Variants in SUCLG2 observed in about 807,000 individuals in gnomAD.
SUCLG2 encodes succinate--CoA ligase [GDP-forming] subunit beta, mitochondrial.
Under a neutral mutation model 47.9 loss-of-function variants are expected in SUCLG2, and 42 were observed. The observed-to-expected ratio is 0.88, with a 90% CI of 0.69 to 1.14. The LOEUF (loss-of-function observed/expected upper bound fraction) is 1.14, where lower values mean the gene tolerates loss of function less well. Among genes scored for constraint, SUCLG2 ranks in the 50% most tolerant of loss-of-function variants. The pLI is 0.00. For missense variants in SUCLG2, 571 were observed against 525.9 expected (o/e 1.09, Z -0.84); for synonymous variants, 195 against 197.3 (o/e 0.99, Z 0.10).
At chr3:67,483,680 A>G (rs1704976646) in intron 9 of SUCLG2, among the ~76,000 whole-genome samples, 1 of 152,152 alleles carries the variant, frequency 6.6e-6, no homozygotes, top group Non-Finnish European at 1.5e-5. Context: ...GACACTTAAT[A>G]TATTCTTGTT....
chr3:67,495,718 C>G, intron 9 of SUCLG2, 80 bp downstream of exon 9: 3 of 1,517,850 alleles, frequency 2.0e-6, no homozygotes, highest in Admixed American at 1.7e-5. Context: ...CTTATCAACT[C>G]TCACCAGGAA....
chr3:67,633,181 A>C (rs1372243079), intron 1 of SUCLG2, among the ~76,000 whole-genome samples: 2 of 152,160 alleles, frequency 1.3e-5, no homozygotes, highest in Non-Finnish European at 2.9e-5. Flanking sequence ...CGAAAAGTAA[A>C]ATGTTTTTAA....
intron 10 of SUCLG2, among the ~76,000 whole-genome samples, chr3:67,365,951 G>T (rs1218313241): frequency 2.6e-5 from 4 of 151,610 alleles, no homozygotes; most frequent in Non-Finnish European, 4.4e-5. Context: ...AAATTGAATA[G>T]ATTTATAAAT....
At chr3:67,552,049 C>A (rs1707027559) in intron 2 of SUCLG2, among the ~76,000 whole-genome samples, 1 of 151,880 alleles carries the variant, frequency 6.6e-6, no homozygotes, top group African/African-American at 2.4e-5. Flanking sequence ...CAGCAAGAAG[C>A]CACGCCACCC....
chr3:67,614,108 G>A (rs933005678), intron 1 of SUCLG2, among the ~76,000 whole-genome samples: 1 of 152,132 alleles, frequency 6.6e-6, no homozygotes, highest in East Asian at 1.9e-4. Flanking sequence ...TTTGCTGCAG[G>A]AGACATGAAG....
chr3:67,489,172 G>C (rs766617700), intron 9 of SUCLG2, among the ~76,000 whole-genome samples: 2 of 152,140 alleles, frequency 1.3e-5, no homozygotes, highest in Non-Finnish European at 2.9e-5. Context: ...TTATTACTGA[G>C]AAGTATTGGC....
At position 67,588,314 on chromosome 3, in the gene SUCLG2, T is replaced by C. The variant is rs28449793; in HGVS notation, c.226+21141A>G. 6.7e-3 allele frequency among the ~76,000 whole-genome samples: 1,017 copies of C among 152,340 alleles called. 12 individuals are homozygous for C. The highest frequency in any genetic ancestry group is 0.022 in the African/African-American group (925 of 41,580). On this transcript the variant is annotated intron_variant, in intron 2 of 10. Transcript: ENST00000307227. ...AAAATTTTAAGTTGCTAAATGCTCC[T>C]AAATTGAGGTACTCTAATATGCTAT...
At position 67,427,541 on chromosome 3, in the gene SUCLG2, C is replaced by T. The variant is rs1703333229; in HGVS notation, c.1063-26690G>A. The stretch of plus-strand genomic sequence containing the variant: ...TTCCAAGATGGCCGAATAGGAACAG[C>T]TCCAGTCTACAGCTCAAGAGAAGGG... On this transcript the variant is annotated intron_variant, in intron 9 of 10. Coordinates refer to ENST00000307227, the MANE Select transcript of SUCLG2 (RefSeq NM_003848.4). Among the ~76,000 whole-genome samples, 3 of 152,174 alleles carry T rather than the reference C, an allele frequency of 2.0e-5. No homozygotes were observed. In the South Asian group the frequency reaches 6.2e-4, roughly 32 times the overall value.
intron 4 of SUCLG2, among the ~76,000 whole-genome samples, chr3:67,527,015 C>T (rs920136957): frequency 5.3e-5 from 8 of 152,286 alleles, no homozygotes; most frequent in Non-Finnish European, 5.9e-5. Context: ...AGGACTGTAA[C>T]GGGATTATTA....
intron 2 of SUCLG2, among the ~76,000 whole-genome samples, chr3:67,585,888 A>T (rs187884408): frequency 6.9e-6 from 1 of 144,486 alleles, no homozygotes; most frequent in Middle Eastern, 3.7e-3. Context: ...AATCGCTCGA[A>T]CCCAGGAGGT....
At chr3:67,374,669 A>AATTTTTGAGGAATAAAAAT (rs1701999305), downstream of SUCLG2, 2 of 776,720 alleles carry the variant, frequency 2.6e-6, no homozygotes, top group African/African-American at 3.8e-5. Context: ...TGTAAAAAAA[A>AATTTTTGAGGAATAAAAAT]AAAATGTTTG....
At position 67,529,546 on chromosome 3, in the gene SUCLG2, C is replaced by A. The variant is rs79552874; in HGVS notation, c.227-360G>T. 3.5e-3 allele frequency among the ~76,000 whole-genome samples: 540 copies of A among 152,270 alleles called. 7 individuals carry two copies. Among genetic ancestry groups the A allele is most frequent in the African/African-American group, 0.012 (498 of 41,552 alleles). ...TAATGGCACTCCCATGTGGCAGAGG[C>A]ACCAGTTGGCCAGTAAGAGGAGCTA... On this transcript the variant is annotated intron_variant, in intron 2 of 10. Transcript: ENST00000307227.
At position 67,546,627 on chromosome 3, in the gene SUCLG2, C is replaced by T. The variant is rs542952917; in HGVS notation, c.227-17441G>A. 3.9e-5 allele frequency among the ~76,000 whole-genome samples: 6 copies of T among 152,294 alleles called. No individual in the cohort carries two copies. In the East Asian group the frequency reaches 7.7e-4, roughly 20 times the overall value. On this transcript the variant is annotated intron_variant, in intron 2 of 10. Transcript: ENST00000307227. ...GCACACGCCTATAATCCCAGCTACT[C>T]GGGAGACTGAGGCAGAAGAATAGCT...
At chr3:67,498,355 C>A (rs940907340) in intron 7 of SUCLG2, 60 bp from the exon 8 acceptor site, 5 of 1,569,780 alleles carry the variant, frequency 3.2e-6, no homozygotes, top group Non-Finnish European at 3.5e-6. Context: ...AAATTAAGTT[C>A]TTCAGGCTGG....
At chr3:67,539,377 G>T (rs900236281) in intron 2 of SUCLG2, among the ~76,000 whole-genome samples, 3 of 152,200 alleles carry the variant, frequency 2.0e-5, no homozygotes, top group African/African-American at 7.2e-5. Flanking sequence ...ATTTGTGTAT[G>T]TTGAACCAGC....
In SUCLG2 at chr3:67,592,730, AAAAAAACAAC is replaced by A. The variant is rs1456674111; in HGVS notation, c.226+16715_226+16724del. On this transcript the variant is annotated intron_variant, in intron 2 of 10. Coordinates refer to ENST00000307227, the MANE Select transcript of SUCLG2 (RefSeq NM_003848.4). ...CTCTCACATCCTCCAAAAAAAAAAA[AAAAAAACAAC>A]AAAAAAAAACTGAATATCAAAGCCA... Among the ~76,000 whole-genome samples, 8 of 124,626 alleles carry A rather than the reference AAAAAAACAAC, an allele frequency of 6.4e-5. 1 individual carries two copies. The highest frequency in any genetic ancestry group is 9.4e-5 in the African/African-American group (3 of 32,028). 81.8% of individuals were successfully genotyped at this position (124,626 alleles called of 152,430 possible).
chr3:67,625,315 C>A (rs1219224761), intron 1 of SUCLG2, among the ~76,000 whole-genome samples: 6 of 152,102 alleles, frequency 3.9e-5, no homozygotes, highest in African/African-American at 1.4e-4. Flanking sequence ...ATGCTAACTG[C>A]AAATATCAAC....
At chr3:67,429,402 G>T (rs1222778763) in intron 9 of SUCLG2, among the ~76,000 whole-genome samples, 2 of 152,042 alleles carry the variant, frequency 1.3e-5, no homozygotes, top group Admixed American at 1.3e-4. Context: ...AGCAAATGCT[G>T]AGATTTTGTC....
rs868407839 is a variant in SUCLG2, at chr3:67,604,303, C to T, written c.226+5152G>A. 4.6e-5 allele frequency among the ~76,000 whole-genome samples: 7 copies of T among 152,160 alleles called. No individual in the cohort carries two copies. The South Asian group carries it at 1.5e-3, about 32-fold the overall frequency. ...CAGATTGCAGTTTCTATATATTGCA[C>T]CTTAAAACCTGCCACATCTAGTTTT... On this transcript the variant is annotated intron_variant, in intron 2 of 10. Transcript: ENST00000307227.
Sources: gnomAD v4.1 joint callset for allele counts (sites outside exome capture counted in the v4.1 genomes callset) on GRCh38, gnomAD v4.1.1 for gene constraint, MANE v1.5 for transcripts, NCBI Gene and HGNC (gene_info 2026-07-23, HGNC 2026-07-21) for gene names.